The following GALNT17 variants were observed in gnomAD, a reference collection of about 807,000 sequenced individuals.
GALNT17 encodes the protein UDP-GalNAc:polypeptide N-acetylgalactosaminyltransferase-like 3.
In GALNT17, 29 loss-of-function variants were observed where a neutral mutation model predicts 63.7. The observed-to-expected ratio is 0.46, with a 90% CI of 0.34 to 0.62. The LOEUF (loss-of-function observed/expected upper bound fraction) is 0.62, where lower values mean the gene tolerates loss of function less well. Ranked by LOEUF, GALNT17 falls within the 20% of genes least tolerant of loss-of-function variation. The pLI is 0.01. For synonymous variants in GALNT17, 305 were observed against 318.3 expected (o/e 0.96, Z 0.45); for missense variants, 603 against 799.6 (o/e 0.75, Z 2.97).
intron 1 of GALNT17, among the ~76,000 whole-genome samples, chr7:71,195,612 A>G (rs796232524): frequency 2.0e-5 from 3 of 150,596 alleles, no homozygotes; most frequent in South Asian, 2.1e-4. Flanking sequence ...CAGTGTTGCA[A>G]TCATGGCTTA....
chr7:71,233,168 C>T (rs1482100832), intron 1 of GALNT17, among the ~76,000 whole-genome samples: 2 of 152,184 alleles, frequency 1.3e-5, no homozygotes, highest in Non-Finnish European at 2.9e-5. Flanking sequence ...ACTCCTGTTC[C>T]TCCATCTTTC....
chr7:71,207,588 G>A (rs1789297001), intron 1 of GALNT17, among the ~76,000 whole-genome samples: 1 of 152,166 alleles, frequency 6.6e-6, no homozygotes, highest in African/African-American at 2.4e-5. Context: ...GGGAGGTAGG[G>A]TACACGTCAT....
intron 9 of GALNT17, among the ~76,000 whole-genome samples, chr7:71,706,018 G>A (rs1791718360): frequency 6.6e-6 from 1 of 152,172 alleles, no homozygotes; most frequent in Non-Finnish European, 1.5e-5. Context: ...TTGGTTGACA[G>A]CAGATCCAAG....
chr7:71,421,600 C>T (rs1481649457), intron 5 of GALNT17, among the ~76,000 whole-genome samples: 1 of 152,108 alleles, frequency 6.6e-6, no homozygotes, highest in Admixed American at 6.5e-5. Flanking sequence ...ACCCAGCTGC[C>T]TCTCGGGATA....
chr7:71,373,376 G>A (rs530032633), intron 2 of GALNT17, among the ~76,000 whole-genome samples: 1 of 151,978 alleles, frequency 6.6e-6, no homozygotes, highest in East Asian at 1.9e-4. Flanking sequence ...GGTGAAGGGA[G>A]GCAGGGAGGT....
intron 7 of GALNT17, 125 bp downstream of exon 7, chr7:71,665,721 A>C: frequency 9.3e-7 from 1 of 1,080,408 alleles, no homozygotes; most frequent in Non-Finnish European, 1.3e-6. Flanking sequence ...TTATGAATGC[A>C]TTTCAAAGGG....
At chr7:71,353,889 C>T (rs778866879) in intron 2 of GALNT17, among the ~76,000 whole-genome samples, 9 of 152,162 alleles carry the variant, frequency 5.9e-5, no homozygotes, top group Non-Finnish European at 1.2e-4. Context: ...CATGGTGTCA[C>T]AGGCTATATA....
chr7:71,258,320 T>C (rs1293745140), intron 1 of GALNT17, among the ~76,000 whole-genome samples: 1 of 152,234 alleles, frequency 6.6e-6, no homozygotes, highest in Non-Finnish European at 1.5e-5. Flanking sequence ...GCAATGCTGA[T>C]TCATGGTCAA....
chr7:71,332,677 T>TTTTG (rs137994477), intron 1 of GALNT17, among the ~76,000 whole-genome samples: 2 of 151,824 alleles, frequency 1.3e-5, no homozygotes, highest in South Asian at 2.1e-4. Flanking sequence ...TTTTGTTTGT[T>TTTTG]TTTGTTTGTT....
intron 5 of GALNT17, among the ~76,000 whole-genome samples, chr7:71,487,516 A>G (rs1032535835): frequency 1.3e-5 from 2 of 152,170 alleles, no homozygotes; most frequent in African/African-American, 4.8e-5. Flanking sequence ...TCATGCCTAT[A>G]ATCCCTGCAC....
At chr7:71,334,726 G>A (rs566776780) in intron 1 of GALNT17, among the ~76,000 whole-genome samples, 5 of 152,140 alleles carry the variant, frequency 3.3e-5, no homozygotes, top group Admixed American at 6.5e-5. Flanking sequence ...GTTATCACCC[G>A]TGTGGGTTTT....
At chr7:71,348,402 CACCT>C (rs1177615770) in intron 2 of GALNT17, among the ~76,000 whole-genome samples, 1 of 152,216 alleles carries the variant, frequency 6.6e-6, no homozygotes, top group African/African-American at 2.4e-5. Flanking sequence ...AAAGTATTCT[CACCT>C]GAAATGCGTT....
intron 5 of GALNT17, among the ~76,000 whole-genome samples, chr7:71,482,805 T>C (rs1440806145): frequency 6.6e-6 from 1 of 152,128 alleles, no homozygotes; most frequent in Admixed American, 6.5e-5. Flanking sequence ...AGGATGAAAC[T>C]GTTCCACCTT....
intron 1 of GALNT17, among the ~76,000 whole-genome samples, chr7:71,218,202 T>A (rs1789520942): frequency 6.6e-6 from 1 of 152,176 alleles, no homozygotes; most frequent in Admixed American, 6.5e-5. Context: ...GAGGCCAGCC[T>A]GGCCAACATG....
rs530223369 is a variant in GALNT17 at position 71,687,810 on chromosome 7, C to T, written c.1500+10504C>T. ...CTGGAGTGCGGTGGTGCAGTCAGCT[C>T]ACTGCAACCTCAATCTCCCAGACTA... On this transcript the variant is annotated intron_variant, in intron 9 of 10. Coordinates refer to ENST00000333538, the MANE Select transcript of GALNT17 (RefSeq NM_022479.3). Among the ~76,000 whole-genome samples the T allele has an allele frequency of 2.6e-5, 4 of 152,216 alleles. No homozygotes were observed. In the East Asian group the frequency reaches 7.7e-4, roughly 29 times the overall value.
At chr7:71,406,602 T>C (rs1793332639) in intron 3 of GALNT17, among the ~76,000 whole-genome samples, 2 of 152,174 alleles carry the variant, frequency 1.3e-5, no homozygotes. Flanking sequence ...TTTTTAAAGA[T>C]AATATTTTAA....
intron 8 of GALNT17, among the ~76,000 whole-genome samples, chr7:71,672,052 G>A (rs1237007300): frequency 2.7e-5 from 4 of 146,478 alleles, no homozygotes; most frequent in Non-Finnish European, 6.0e-5. Context: ...AAAAAAAATG[G>A]TACCTGGCAC....
intron 5 of GALNT17, among the ~76,000 whole-genome samples, chr7:71,482,075 A>ATG (rs1384133269): frequency 7.9e-4 from 32 of 40,534 alleles, no homozygotes; most frequent in Middle Eastern, 0.017. Context: ...GTATACATAT[A>ATG]TGTATATGTG....
At chr7:71,693,182 TAGTG>T (rs1233127430) in intron 9 of GALNT17, among the ~76,000 whole-genome samples, 5 of 147,920 alleles carry the variant, frequency 3.4e-5, no homozygotes, top group South Asian at 4.4e-4. Flanking sequence ...ATAATATAAA[TAGTG>T]TGTGTGTATA....
Sources: gnomAD v4.1 joint callset for allele counts (sites outside exome capture counted in the v4.1 genomes callset) on GRCh38, gnomAD v4.1.1 for gene constraint, MANE v1.5 for transcripts, NCBI Gene and HGNC (gene_info 2026-07-23, HGNC 2026-07-21) for gene names.